FREM1: variants seen among roughly 807,000 people sequenced by gnomAD.
FREM1 encodes the protein FRAS1-related extracellular matrix protein 1.
A neutral mutation model predicts 210.1 loss-of-function variants in FREM1; 220 were observed. The observed-to-expected ratio is 1.05, with a 90% CI of 0.94 to 1.17. The LOEUF (loss-of-function observed/expected upper bound fraction) is 1.17. Ranked by LOEUF, FREM1 falls within the 50% of genes most tolerant of loss-of-function variation. The pLI, the probability that FREM1 is intolerant of heterozygous loss-of-function variation, is 0.00. For missense variants in FREM1, 3,454 were observed against 2,675.5 expected, an observed-to-expected ratio of 1.29 and a Z score of -6.42; for synonymous variants, 1,189 against 980.2, an observed-to-expected ratio of 1.21 and a Z score of -3.98.
chr9:14,789,086 G>C lies in FREM1; in HGVS notation c.4010C>G (p.Pro1337Arg), dbSNP rs370906799. The C allele has an allele frequency of 1.3e-6, 2 of 1,599,396 alleles. No individual in the cohort carries two copies. The highest frequency in any genetic ancestry group is 2.7e-5 in the African/African-American group (2 of 74,676). The change falls in exon 23 of 37, where the codon CCT becomes CGT. Residue 1337 changes from proline (P) to arginine (R), a missense_variant. Coordinates refer to ENST00000380880, the MANE Select transcript of FREM1 (RefSeq NM_001379081.2). ...TTCCTCCTGAGTGCATTTCATGCCA[G>C]GGGAGAGAGGAACCCAGTCCCTCCC... ...KIGRDWVPLS[P>R]GMKCTQEEVD...
intron 24 of FREM1, among the ~76,000 whole-genome samples, chr9:14,777,313 T>G (rs554915990): frequency 1.1e-4 from 17 of 152,314 alleles, no homozygotes; most frequent in African/African-American, 4.1e-4. Flanking sequence ...TTACAATATG[T>G]AATTTTTATT....
In FREM1 at chr9:14,869,075, G is replaced by C; in HGVS notation, c.-98C>G. 2 of 780,146 alleles carry C rather than the reference G, an allele frequency of 2.6e-6. No homozygotes were observed. The highest frequency in any genetic ancestry group is 4.0e-6 in the Non-Finnish European group (2 of 501,346). The allele number at this position is 780,146 out of a possible 1,614,324, so 48.3% of individuals were successfully genotyped here. A position where few individuals can be genotyped will look rare whatever the true frequency, so the allele number is the denominator to read the frequency against. On this transcript the variant is annotated 5_prime_UTR_variant, in exon 2 of 37. Transcript: ENST00000380880. ...CTGGAGGGTCAGCTCATAGTCCAAGGGGCAGGGTGAGGGGTCCTGACAATG... is the reference window on the plus strand; with the variant it reads ...CTGGAGGGTCAGCTCATAGTCCAAGCGGCAGGGTGAGGGGTCCTGACAATG...
chr9:14,870,924 G>A (rs554215766), intron 1 of FREM1, among the ~76,000 whole-genome samples: 74 of 151,028 alleles, frequency 4.9e-4, no homozygotes, highest in African/African-American at 1.7e-3. Context: ...TTGTTCCTGC[G>A]ATAGTTTACT....
At chr9:14,879,364 C>G (rs905836406) in intron 1 of FREM1, among the ~76,000 whole-genome samples, 11 of 152,110 alleles carry the variant, frequency 7.2e-5, no homozygotes, top group African/African-American at 2.2e-4. Flanking sequence ...ATGAGACTTC[C>G]TGATGATTGG....
chr9:14,856,815 G>A (rs917010919), intron 5 of FREM1, among the ~76,000 whole-genome samples: 4 of 138,336 alleles, frequency 2.9e-5, no homozygotes, highest in South Asian at 4.5e-4. Context: ...CAGCCTGGGC[G>A]ACAGAGCGAG....
chr9:14,823,433 T>C, intron 12 of FREM1, 106 bp from the exon 13 acceptor site: 2 of 919,012 alleles, frequency 2.2e-6, no homozygotes, highest in Admixed American at 4.8e-5. Context: ...ACACTGTAAA[T>C]GCCACCATCA....
At chr9:14,845,620 C>T (rs1826469942) in intron 8 of FREM1, among the ~76,000 whole-genome samples, 2 of 152,272 alleles carry the variant, frequency 1.3e-5, no homozygotes, top group Admixed American at 6.5e-5. Context: ...TTTCAATATA[C>T]TTCTTTGAAG....
intron 23 of FREM1, among the ~76,000 whole-genome samples, chr9:14,788,146 A>T (rs1850704320): frequency 6.6e-6 from 1 of 152,196 alleles, no homozygotes; most frequent in African/African-American, 2.4e-5. Context: ...TGAGGATCTA[A>T]GATTATGCTT....
intron 15 of FREM1, among the ~76,000 whole-genome samples, chr9:14,815,557 A>T (rs1206002012): frequency 6.6e-6 from 1 of 152,218 alleles, no homozygotes; most frequent in Non-Finnish European, 1.5e-5. Context: ...ACCAACTATA[A>T]ATACCTGCAA....
rs921295614 is a variant in FREM1 at position 14,910,279 on chromosome 9, AGAGCCC to A, written c.-639_-634del. ...TAAAGATGCCTTCTACTGTTTACAC[AGAGCCC>A]GACCTCCCTGGCGGACAGCCACCGC... is the stretch of plus-strand genomic sequence containing the variant. On this transcript the variant is annotated 5_prime_UTR_variant, in exon 1 of 37. Coordinates refer to ENST00000380880, the MANE Select transcript of FREM1 (RefSeq NM_001379081.2). The A allele has an allele frequency of 3.9e-5, 6 of 152,276 alleles. No individual in the cohort carries two copies. Among genetic ancestry groups the A allele is most frequent in the African/African-American group, 1.4e-4 (6 of 41,464 alleles). 9.4% of individuals were successfully genotyped at this position (152,276 alleles called of 1,614,324 possible).
intron 27 of FREM1, among the ~76,000 whole-genome samples, chr9:14,763,629 C>A (rs969005947): frequency 6.6e-6 from 1 of 152,222 alleles, no homozygotes; most frequent in African/African-American, 2.4e-5. Flanking sequence ...TCAGGTCCCT[C>A]TGTCACTCAC....
rs1564115460 is a variant in FREM1, at chr9:14,863,933, C to G, written c.235-30G>C. On this transcript the variant is annotated intron_variant, in intron 2 of 36. Transcript: ENST00000380880. The stretch of plus-strand genomic sequence containing the variant: ...TTCACATGAAGAATTGGATAAATAT[C>G]TATGAGAAAATTGGTACAAGATTTA... The G allele has an allele frequency of 3.6e-6, 5 of 1,378,794 alleles. No individual in the cohort carries two copies. The East Asian group carries it at 6.9e-5, about 19-fold the overall frequency. The allele number at this position is 1,378,794 out of a possible 1,614,324, so 85.4% of individuals were successfully genotyped here.
intron 3 of FREM1, among the ~76,000 whole-genome samples, chr9:14,860,707 A>ACATATATG (rs1564100529): frequency 1.2e-5 from 1 of 80,012 alleles, no homozygotes; most frequent in South Asian, 3.3e-4. Flanking sequence ...ACATATATAC[A>ACATATATG]CACATATATA....
At chr9:14,822,843 T>C (rs1342187592) in intron 13 of FREM1, among the ~76,000 whole-genome samples, 2 of 152,106 alleles carry the variant, frequency 1.3e-5, no homozygotes, top group African/African-American at 2.4e-5. Context: ...AAGAGACCCA[T>C]AATTTAATCC....
chr9:14,749,071 T>C (rs181092278), intron 30 of FREM1, among the ~76,000 whole-genome samples: 105 of 152,308 alleles, frequency 6.9e-4, no homozygotes, highest in African/African-American at 2.3e-3. Flanking sequence ...TAGAATTAAG[T>C]AGTATTTATA....
At chr9:14,873,346 A>T (rs1314640323) in intron 1 of FREM1, among the ~76,000 whole-genome samples, 2 of 152,034 alleles carry the variant, frequency 1.3e-5, no homozygotes, top group Non-Finnish European at 2.9e-5. Flanking sequence ...ACAATTTCAG[A>T]GCCTGTTATT....
rs1194928192 is a variant in FREM1 at position 14,788,949 on chromosome 9, A to G, written c.4147T>C (p.Cys1383Arg). The G allele has an allele frequency of 6.2e-7, 1 of 1,612,938 alleles. No individual in the cohort carries two copies. Among genetic ancestry groups the G allele is most frequent in the Admixed American group, 1.7e-5 (1 of 59,916 alleles). ...TCCATGTCCTTGATGGTGATTTGAC[A>G]GTCAAGAGCAGGGGACCTGTTGTTG... ...DGNNRSPALD[C>R]QITIKDMEKG... The change falls in exon 23 of 37, where the codon TGT (cysteine) becomes CGT (arginine). Residue 1383 changes from cysteine to arginine, a missense_variant. Transcript: ENST00000380880.
Position 14,841,486 on chromosome 9 carries a change from C to G in FREM1, c.1842G>C (p.Leu614=), listed in dbSNP as rs915591299. ...GATTTGGAGGTTCATGGCTGTCCCACAGGACAAATTGAAAAGAATCTTCAA... is the reference window on the plus strand; with the variant it reads ...GATTTGGAGGTTCATGGCTGTCCCAGAGGACAAATTGAAAAGAATCTTCAA... ...EIFEDSFQFV[L]WDSHEPPNLS... Residue 614 remains leucine (L), a synonymous_variant, in exon 10 of 37, where the codon CTG becomes CTC. Coordinates refer to ENST00000380880, the MANE Select transcript of FREM1 (RefSeq NM_001379081.2). 1 of 1,611,526 alleles carries G rather than the reference C, an allele frequency of 6.2e-7. No individual in the cohort carries two copies. Among genetic ancestry groups the G allele is most frequent in the African/African-American group, 1.3e-5 (1 of 74,878 alleles).
chr9:14,905,616 C>T (rs1249865495), intron 1 of FREM1, among the ~76,000 whole-genome samples: 1 of 152,190 alleles, frequency 6.6e-6, no homozygotes, highest in African/African-American at 2.4e-5. Context: ...GGGTCGGGGG[C>T]AGTGGCTCAC....
Sources: allele counts gnomAD v4.1 joint callset (sites outside exome capture counted in the v4.1 genomes callset), GRCh38; gene constraint gnomAD v4.1.1; transcripts MANE v1.5; gene names NCBI Gene and HGNC (gene_info 2026-07-23, HGNC 2026-07-21).